Variants in FBXO31 observed in about 807,000 individuals in gnomAD.
The protein encoded by FBXO31 is F-box only protein 31.
Under a neutral mutation model 54.4 loss-of-function variants are expected in FBXO31, and 24 were observed. The ratio of observed to expected loss-of-function variants is 0.44; its 90% CI spans 0.32 to 0.62. The LOEUF is 0.62. FBXO31 is among the 20% of genes least tolerant of loss of function. The pLI is 0.05. For missense variants in FBXO31, 665 were observed against 787.1 expected (o/e 0.84, Z 1.86); for synonymous variants, 388 against 335.6 (o/e 1.16, Z -1.71).
rs541796171 is a variant in FBXO31, at chr16:87,358,784, G to A, written c.412+1511C>T. Among the ~76,000 whole-genome samples the A allele has an allele frequency of 2.6e-5, 4 of 152,244 alleles. No homozygotes were observed. The highest frequency in any genetic ancestry group is 2.1e-4 in the South Asian group (1 of 4,818). ...CTCCTCCCGGGGCCAGCACACTCCC[G>A]GCAGGCCCCAGGCCACAGCTCACTG... On this transcript the variant is annotated intron_variant, in intron 2 of 8. Coordinates refer to ENST00000311635, the MANE Select transcript of FBXO31 (RefSeq NM_024735.5). This position sits in a 1 kb window ranked among gnomAD's most constrained non-coding sequence, Gnocchi z 4.0.
intron 1 of FBXO31, among the ~76,000 whole-genome samples, chr16:87,374,772 G>T (rs1176031192): frequency 6.6e-6 from 1 of 152,136 alleles, no homozygotes; most frequent in Non-Finnish European, 1.5e-5. Flanking sequence ...ACGCGCCTGA[G>T]TCATTCCTGT....
intron 1 of FBXO31, among the ~76,000 whole-genome samples, chr16:87,370,088 G>C (rs1324389010): frequency 1.3e-5 from 2 of 152,158 alleles, no homozygotes; most frequent in Admixed American, 6.5e-5. Flanking sequence ...GGCCTGAATG[G>C]GGCCTGCATC....
intron 5 of FBXO31, among the ~76,000 whole-genome samples, chr16:87,337,391 G>A (rs1479954431): frequency 6.6e-6 from 1 of 152,082 alleles, no homozygotes; most frequent in African/African-American, 2.4e-5. Context: ...CCGACCTCAC[G>A]CCAACCACAA....
intron 1 of FBXO31, among the ~76,000 whole-genome samples, chr16:87,366,298 A>T (rs1444040704): frequency 6.6e-6 from 1 of 152,226 alleles, no homozygotes; most frequent in East Asian, 1.9e-4. Context: ...GGGAAATCAG[A>T]GCATATGGGA....
upstream of FBXO31, chr16:87,384,042 C>CT (rs1334267417): frequency 1.1e-5 from 2 of 182,406 alleles, no homozygotes; most frequent in African/African-American, 4.7e-5. Flanking sequence ...GAGGCTCGAA[C>CT]TCACGACCTT....
intron 1 of FBXO31, among the ~76,000 whole-genome samples, chr16:87,389,157 C>T (rs953167767): frequency 5.3e-5 from 8 of 151,384 alleles, no homozygotes; most frequent in African/African-American, 1.9e-4. Context: ...AATATATATA[C>T]AATAGATATA....
intron 8 of FBXO31, among the ~76,000 whole-genome samples, chr16:87,333,384 A>G (rs970896674): frequency 6.6e-6 from 1 of 152,078 alleles, no homozygotes; most frequent in African/African-American, 2.4e-5. Flanking sequence ...GGAAAGCAGG[A>G]CCCACATCTG....
In FBXO31 at chr16:87,346,780, C is replaced by T. The variant is rs1905407162; in HGVS notation, c.489+394G>A. ...TGGTCAGAGCGGGTCCACAGCAGAA[C>T]CCAAGGAAACAGACGTCAGAGTGCA... is the stretch of plus-strand genomic sequence containing the variant. On this transcript the variant is annotated intron_variant, in intron 3 of 8. Transcript: ENST00000311635. This position sits in a 1 kb window ranked among gnomAD's most constrained non-coding sequence, Gnocchi z 4.2. Among the ~76,000 whole-genome samples the T allele has an allele frequency of 6.6e-6, 1 of 152,130 alleles. No homozygotes were observed. The highest frequency in any genetic ancestry group is 1.5e-5 in the Non-Finnish European group (1 of 68,022).
intron 7 of FBXO31, among the ~76,000 whole-genome samples, chr16:87,334,545 C>T (rs1459887017): frequency 6.6e-6 from 1 of 152,260 alleles, no homozygotes; most frequent in East Asian, 1.9e-4. Flanking sequence ...CATCCCAGAG[C>T]TGGGCAGCAG....
In FBXO31 at chr16:87,358,825, G is replaced by C. The variant is rs560018804; in HGVS notation, c.412+1470C>G. ...CAGCTCACTGGGGCTCAGGAGGTGGGAGGGCAGGTGTCCTGGCAGGTGAGC... is the reference window on the plus strand; with the variant it reads ...CAGCTCACTGGGGCTCAGGAGGTGGCAGGGCAGGTGTCCTGGCAGGTGAGC... On this transcript the variant is annotated intron_variant, in intron 2 of 8. Coordinates refer to ENST00000311635, the MANE Select transcript of FBXO31 (RefSeq NM_024735.5). This position sits in a 1 kb window ranked among gnomAD's most constrained non-coding sequence, Gnocchi z 4.0. Among the ~76,000 whole-genome samples, 17 of 152,242 alleles carry C rather than the reference G, an allele frequency of 1.1e-4. 1 individual carries two copies. Among genetic ancestry groups the C allele is most frequent in the South Asian group, 1.0e-3 (5 of 4,818 alleles).
upstream of FBXO31, among the ~76,000 whole-genome samples, chr16:87,384,902 C>T (rs1907272315): frequency 6.7e-6 from 1 of 148,918 alleles, no homozygotes; most frequent in Admixed American, 6.6e-5. Context: ...TGGCTGGGCG[C>T]GGTGGCTCAC....
At chr16:87,378,238 A>C (rs1906917018) in intron 1 of FBXO31, among the ~76,000 whole-genome samples, 1 of 152,182 alleles carries the variant, frequency 6.6e-6, no homozygotes, top group South Asian at 2.1e-4. Context: ...AGGAAAAAAG[A>C]AGCAAAAATG....
At chr16:87,369,637 G>A (rs1296441626) in intron 1 of FBXO31, among the ~76,000 whole-genome samples, 1 of 152,150 alleles carries the variant, frequency 6.6e-6, no homozygotes, top group Admixed American at 6.5e-5. Context: ...TTCAGACATA[G>A]GTGTCAAGAT....
chr16:87,359,231 A>T (rs1489954983), intron 2 of FBXO31, among the ~76,000 whole-genome samples: 1 of 152,194 alleles, frequency 6.6e-6, no homozygotes, highest in Non-Finnish European at 1.5e-5. Context: ...CAGTGAAAAG[A>T]AATCTCCCAA....
At chr16:87,384,107 A>G (rs557690041), upstream of FBXO31, 9 of 157,002 alleles carry the variant, frequency 5.7e-5, no homozygotes, top group East Asian at 1.9e-4. Flanking sequence ...CTCGGCGACC[A>G]CTTCGCGCCG....
At chr16:87,372,078 G>A (rs1388307887) in intron 1 of FBXO31, among the ~76,000 whole-genome samples, 2 of 151,996 alleles carry the variant, frequency 1.3e-5, no homozygotes, top group Non-Finnish European at 2.9e-5. Flanking sequence ...ACAAAAATTA[G>A]CCAGGTATGG....
chr16:87,382,241 G>A (rs1010926527), intron 1 of FBXO31, among the ~76,000 whole-genome samples: 2 of 152,210 alleles, frequency 1.3e-5, no homozygotes, highest in East Asian at 1.9e-4. Flanking sequence ...ACACTACACT[G>A]TCTCTAAGAG....
Position 87,331,169 on chromosome 16 carries a change from C to A in FBXO31, c.*119G>T, listed in dbSNP as rs987888571. 2 of 957,042 alleles carry A rather than the reference C, an allele frequency of 2.1e-6. No homozygotes were observed. The highest frequency in any genetic ancestry group is 1.6e-6 in the Non-Finnish European group (1 of 632,128). The allele number at this position is 957,042 out of a possible 1,614,324, so 59.3% of individuals were successfully genotyped here. A position where few individuals can be genotyped will look rare whatever the true frequency, so the allele number is the denominator to read the frequency against. ...TGGGGGGTGGCTGGACTGGGCCCCC[C>A]GACGAGGTGTGCGTTCTGGTCAAAA... On this transcript the variant is annotated 3_prime_UTR_variant, in exon 9 of 9. Coordinates refer to ENST00000311635, the MANE Select transcript of FBXO31 (RefSeq NM_024735.5).
intron 1 of FBXO31, among the ~76,000 whole-genome samples, chr16:87,366,805 G>C (rs976965859): frequency 1.3e-5 from 2 of 152,190 alleles, no homozygotes; most frequent in Non-Finnish European, 2.9e-5. Flanking sequence ...CCACTCTTCT[G>C]CAAAGAAAGG....
Sources: gnomAD v4.1 joint callset for allele counts (sites outside exome capture counted in the v4.1 genomes callset) on GRCh38, gnomAD v4.1.1 for gene constraint, Gnocchi (gnomAD v3.1) non-coding constraint, MANE v1.5 for transcripts, NCBI Gene and HGNC (gene_info 2026-07-23, HGNC 2026-07-21) for gene names.